The following IQSEC3 variants were observed in gnomAD, a reference collection of about 807,000 sequenced individuals.
IQSEC3 encodes IQ motif and Sec7 domain ArfGEF 3.
IQSEC3 carries 50 observed loss-of-function variants against 105.4 expected under a neutral mutation model. That is an observed-to-expected ratio of 0.47 (90% CI 0.38 to 0.60). The LOEUF (loss-of-function observed/expected upper bound fraction) is 0.60, where lower values mean the gene tolerates loss of function less well. Ranked by LOEUF, IQSEC3 falls within the 20% of genes least tolerant of loss-of-function variation. The pLI is 0.00. For synonymous variants in IQSEC3, 708 were observed against 746.0 expected, an observed-to-expected ratio of 0.95 and a Z score of 0.83; for missense variants, 1,415 against 1,630.0, an observed-to-expected ratio of 0.87 and a Z score of 2.27.
chr12:144,620 G>C (rs1555090468), intron 5 of IQSEC3: 1 of 152,190 alleles, frequency 6.6e-6, no homozygotes, highest in Non-Finnish European at 1.5e-5. Flanking sequence ...TCGGCTGCTG[G>C]TCTGTGTCTG....
intron 1 of IQSEC3, among the ~76,000 whole-genome samples, chr12:76,745 ACT>A (rs1863545086): frequency 6.6e-6 from 1 of 152,214 alleles, no homozygotes; most frequent in Non-Finnish European, 1.5e-5. Context: ...GTGCCACTGA[ACT>A]CTACGGAGGT....
rs1490340057 is a variant in IQSEC3, at chr12:171,462, T to C, written c.3114+301T>C. The C allele has an allele frequency of 9.8e-6, 7 of 711,420 alleles. No homozygotes were observed. In the African/African-American group the frequency reaches 1.1e-4, roughly 11 times the overall value. 44.1% of individuals were successfully genotyped at this position (711,420 alleles called of 1,614,324 possible). On this transcript the variant is annotated intron_variant, in intron 13 of 13. Transcript: ENST00000538872. The stretch of plus-strand genomic sequence containing the variant: ...CACGGCACCCTAGGGCCATCCTTCC[T>C]GTGTGCCCCCAAATCCACCTCCCCA...
At chr12:146,817 C>T (rs947311169) in intron 5 of IQSEC3, among the ~76,000 whole-genome samples, 10 of 152,138 alleles carry the variant, frequency 6.6e-5, no homozygotes, top group African/African-American at 9.7e-5. Context: ...GCTTTGGAAA[C>T]GGTACACTGC....
rs555601867 is a variant in IQSEC3 at position 74,346 on chromosome 12, G to T, written c.554+6910G>T. ...TCTCTTAAAGACTTTTCTTACATGA[G>T]ATATCTTCCAGGAAAATGAAAACAA... On this transcript the variant is annotated intron_variant, in intron 1 of 13. Coordinates refer to ENST00000538872, the MANE Select transcript of IQSEC3 (RefSeq NM_001170738.2). Among the ~76,000 whole-genome samples the T allele has an allele frequency of 9.7e-3, 1,480 of 152,208 alleles. 17 individuals are homozygous for T. Among genetic ancestry groups the T allele is most frequent in the African/African-American group, 0.034 (1,404 of 41,430 alleles).
intron 1 of IQSEC3, among the ~76,000 whole-genome samples, chr12:70,708 G>T (rs1591619783): frequency 2.0e-5 from 3 of 152,380 alleles, no homozygotes. Context: ...AAGCACATTT[G>T]CCCAACCACC....
At chr12:154,957 T>C (rs1866637122) in intron 5 of IQSEC3, among the ~76,000 whole-genome samples, 2 of 151,906 alleles carry the variant, frequency 1.3e-5, no homozygotes, top group South Asian at 4.2e-4. Flanking sequence ...CTGACCCCCT[T>C]GCTGCGTGAC....
chr12:168,369 A>T (rs2137063738), intron 11 of IQSEC3, among the ~76,000 whole-genome samples: 1 of 152,056 alleles, frequency 6.6e-6, no homozygotes, highest in Non-Finnish European at 1.5e-5. Flanking sequence ...CACCTTGCGG[A>T]GGCTCAGCTG....
chr12:76,380 G>C (rs1317976021), intron 1 of IQSEC3, among the ~76,000 whole-genome samples: 3 of 152,260 alleles, frequency 2.0e-5, no homozygotes, highest in African/African-American at 4.8e-5. Flanking sequence ...GAGTGGGCAC[G>C]ACTGCGTGGG....
chr12:113,096 C>T (rs1591669600), intron 2 of IQSEC3, among the ~76,000 whole-genome samples: 1 of 149,958 alleles, frequency 6.7e-6, no homozygotes, highest in Admixed American at 6.7e-5. Context: ...AACAGCCTGG[C>T]CCCCACTTCC....
At chr12:98,858 G>C (rs1591649741) in intron 1 of IQSEC3, among the ~76,000 whole-genome samples, 1 of 152,208 alleles carries the variant, frequency 6.6e-6, no homozygotes, top group East Asian at 1.9e-4. Flanking sequence ...GCTGCGGGGA[G>C]GGCGTGCAGA....
At chr12:118,365 A>G (rs1555081116) in intron 2 of IQSEC3, among the ~76,000 whole-genome samples, 1 of 150,874 alleles carries the variant, frequency 6.6e-6, no homozygotes, top group African/African-American at 2.4e-5. Flanking sequence ...CCCGTCTGAG[A>G]TCACCATATT....
intron 1 of IQSEC3, among the ~76,000 whole-genome samples, chr12:94,188 G>T (rs1864177577): frequency 6.6e-6 from 1 of 152,182 alleles, no homozygotes; most frequent in Non-Finnish European, 1.5e-5. Context: ...ACTGATGTAG[G>T]CACTAGGGAC....
chr12:156,125 G>A (rs576261925), intron 5 of IQSEC3, among the ~76,000 whole-genome samples: 10 of 152,120 alleles, frequency 6.6e-5, no homozygotes, highest in Non-Finnish European at 1.2e-4. Flanking sequence ...AGAGGAAGGC[G>A]CCTGCTTAGC....
At chr12:93,424 T>C (rs1864153046) in intron 1 of IQSEC3, among the ~76,000 whole-genome samples, 1 of 152,186 alleles carries the variant, frequency 6.6e-6, no homozygotes, top group Non-Finnish European at 1.5e-5. Flanking sequence ...TCCTGTCCCC[T>C]GCTCACCTTG....
intron 5 of IQSEC3, among the ~76,000 whole-genome samples, chr12:151,894 A>G (rs1169270725): frequency 6.6e-6 from 1 of 152,116 alleles, no homozygotes; most frequent in African/African-American, 2.4e-5. Flanking sequence ...TTCAGGCCTC[A>G]GCTCAAATGC....
At chr12:95,690 AT>A (rs1456281639) in intron 1 of IQSEC3, among the ~76,000 whole-genome samples, 1 of 152,122 alleles carries the variant, frequency 6.6e-6, no homozygotes, top group African/African-American at 2.4e-5. Context: ...GAGAGGAGTC[AT>A]TTTTTGTTTT....
chr12:103,250 G>T (rs1287828362), intron 2 of IQSEC3, among the ~76,000 whole-genome samples: 1 of 151,098 alleles, frequency 6.6e-6, no homozygotes, highest in African/African-American at 2.4e-5. Flanking sequence ...GAGCCCATTT[G>T]TCTCAAGGGT....
rs781821055 is a variant in IQSEC3, at chr12:138,486, G to A, written c.1123G>A (p.Gly375Ser). Residue 375 changes from glycine (G) to serine (S), a missense_variant, in exon 4 of 14, where the codon GGC becomes AGC. By Grantham distance (56) the Gly-to-Ser change is moderately conservative (BLOSUM62 0). Coordinates refer to ENST00000538872, the MANE Select transcript of IQSEC3 (RefSeq NM_001170738.2). This position sits in a 1 kb window ranked among gnomAD's most constrained non-coding sequence, Gnocchi z 7.1. ...CGAGAAAGCGCTCATGGAGGGCTAC[G>A]GCCTCGTGGGGCTGCCGCTGGTGCG... ...AAEKALMEGY[G>S]LVGLPLVRSP... 5 of 1,590,822 alleles carry A rather than the reference G, an allele frequency of 3.1e-6. No individual in the cohort carries two copies. Among genetic ancestry groups the A allele is most frequent in the East Asian group, 2.3e-5 (1 of 44,070 alleles).
chr12:132,896 T>C (rs1475864084), intron 3 of IQSEC3, among the ~76,000 whole-genome samples: 1 of 152,238 alleles, frequency 6.6e-6, no homozygotes, highest in Non-Finnish European at 1.5e-5. Flanking sequence ...TCCTGCTCTC[T>C]GCTGGGTGCT....
Sources: gnomAD v4.1 joint callset for allele counts (sites outside exome capture counted in the v4.1 genomes callset) on GRCh38, gnomAD v4.1.1 for gene constraint, Gnocchi (gnomAD v3.1) non-coding constraint, MANE v1.5 for transcripts, NCBI Gene and HGNC (gene_info 2026-07-23, HGNC 2026-07-21) for gene names.